Variants in DIPK1C observed in about 807,000 individuals in gnomAD.
DIPK1C encodes divergent protein kinase domain 1C, also known as familial non-conventional Alzheimer's dementia.
A neutral mutation model predicts 28.0 loss-of-function variants in DIPK1C; 33 were observed. The observed-to-expected ratio is 1.18, with a 90% CI of 0.89 to 1.58. The LOEUF is 1.58. DIPK1C is among the 40% of genes most tolerant of loss of function. The probability of loss-of-function intolerance (pLI) is 0.00; values close to 1 mark genes in which losing one functional copy is unlikely to be tolerated. For missense variants in DIPK1C, 569 were observed against 568.5 expected (o/e 1.00, Z -0.01); for synonymous variants, 255 against 248.8 (o/e 1.02, Z -0.23).
At chr18:74,463,655 C>T in the DIPK1C span, among the ~76,000 whole-genome samples, 634 of 152,208 alleles carry the variant, frequency 4.2e-3, 3 homozygotes, top group Non-Finnish European at 6.3e-3. Flanking sequence ...TCTACTCAGG[C>T]GAAAGCACAA....
upstream of DIPK1C, among the ~76,000 whole-genome samples, chr18:74,460,981 T>C (rs993742611): frequency 6.6e-6 from 1 of 152,198 alleles, no homozygotes; most frequent in Admixed American, 6.5e-5. Flanking sequence ...CCCTGCCCCA[T>C]GGGGCTTTGC....
upstream of DIPK1C, among the ~76,000 whole-genome samples, chr18:74,461,212 C>T (rs1174531007): frequency 6.6e-6 from 1 of 152,184 alleles, no homozygotes; most frequent in Non-Finnish European, 1.5e-5. Context: ...AGTCTCTCAA[C>T]CATCTGCCCA....
rs1985960587 is a variant in DIPK1C at position 74,435,177 on chromosome 18, C to CAAACT, written c.*1323_*1324insAGTTT. 3 of 152,200 alleles carry CAAACT rather than the reference C, an allele frequency of 2.0e-5. No homozygotes were observed. The highest frequency in any genetic ancestry group is 7.2e-5 in the African/African-American group (3 of 41,434). 9.4% of individuals were successfully genotyped at this position (152,200 alleles called of 1,614,324 possible). On this transcript the variant is annotated 3_prime_UTR_variant, in exon 4 of 4. Transcript: ENST00000343998. ...ATGTGTCAGTTTGTGACTTTCACAA[C>CAAACT]GTCCGATTAATTTGTCTTCTTTAAT...
intron 3 of DIPK1C, among the ~76,000 whole-genome samples, chr18:74,438,984 G>T (rs1333609609): frequency 1.3e-5 from 2 of 152,196 alleles, no homozygotes; most frequent in African/African-American, 4.8e-5. Flanking sequence ...CAGGGAATAA[G>T]GCCCCTTCCA....
At chr18:74,459,571 T>G (rs992374797), upstream of DIPK1C, among the ~76,000 whole-genome samples, 3 of 152,202 alleles carry the variant, frequency 2.0e-5, no homozygotes, top group African/African-American at 7.2e-5. Flanking sequence ...TGAACTGTTT[T>G]GCACTGATTT....
chr18:74,446,863 G>T lies in DIPK1C; in HGVS notation c.619C>A (p.Pro207Thr), dbSNP rs556607927. ...VYFSLLQDLSPHVLPVLGSCG... is the reference protein window; with the variant it reads ...VYFSLLQDLSTHVLPVLGSCG... ...GAACCCAGCACGGGCAGCACGTGTG[G>T]GCTCAGGTCCTGCAGCAGGCTGAAG... The change falls in exon 2 of 4, where the codon CCA (proline) becomes ACA (threonine). Residue 207 changes from proline to threonine, a missense_variant. Pro to Thr is a conservative substitution (Grantham distance 38). Transcript: ENST00000343998. 378 of 1,517,484 alleles carry T rather than the reference G, an allele frequency of 2.5e-4. 3 individuals carry two copies. In the South Asian group the frequency reaches 4.3e-3, roughly 17 times the overall value. The allele number at this position is 1,517,484 out of a possible 1,614,324, so 94.0% of individuals were successfully genotyped here.
At chr18:74,461,064 C>A (rs1224325072), upstream of DIPK1C, among the ~76,000 whole-genome samples, 1 of 152,210 alleles carries the variant, frequency 6.6e-6, no homozygotes, top group Non-Finnish European at 1.5e-5. Flanking sequence ...TCTTGCACTC[C>A]AAATGTCCAT....
Position 74,442,035 on chromosome 18 carries a change from C to T in DIPK1C, c.958G>A (p.Asp320Asn), listed in dbSNP as rs1986139169. ...GAAAAACAGTCAAAGAAATTGCAGTCTTCATCTCCTGTGCAGTTTTGCTCA... is the reference window on the plus strand; with the variant it reads ...GAAAAACAGTCAAAGAAATTGCAGTTTTCATCTCCTGTGCAGTTTTGCTCA... ...ILEQNCTGDE[D>N]CNFFDCFSRC... is the part of the protein sequence containing the mutation. The change falls in exon 3 of 4, where the codon GAC (aspartate) becomes AAC (asparagine). Residue 320 changes from aspartate (D) to asparagine (N), a missense_variant. Coordinates refer to ENST00000343998, the MANE Select transcript of DIPK1C (RefSeq NM_001044369.3). The T allele has an allele frequency of 3.1e-6, 5 of 1,614,024 alleles. No homozygotes were observed. In the South Asian group the frequency reaches 4.4e-5, roughly 14 times the overall value.
rs1156711835 is a variant in DIPK1C, at chr18:74,435,237, A to G, written c.*1264T>C. ...GCCAACATGACTTCCTGATTCTCTC[A>G]TCTTTCTCGATTTCCCTTTTCATGG... On this transcript the variant is annotated 3_prime_UTR_variant, in exon 4 of 4. Transcript: ENST00000343998. The G allele has an allele frequency of 1.3e-5, 2 of 152,236 alleles. No individual in the cohort carries two copies. The highest frequency in any genetic ancestry group is 2.4e-5 in the African/African-American group (1 of 41,450). The allele number at this position is 152,236 out of a possible 1,614,324, so 9.4% of individuals were successfully genotyped here.
chr18:74,450,864 T>C (rs575404670), intron 1 of DIPK1C, among the ~76,000 whole-genome samples: 50 of 152,382 alleles, frequency 3.3e-4, no homozygotes, highest in African/African-American at 1.1e-3. Flanking sequence ...GAGGCTAAGC[T>C]TGGCACAGAT....
chr18:74,448,730 T>C (rs1986330821), intron 1 of DIPK1C, among the ~76,000 whole-genome samples: 1 of 152,120 alleles, frequency 6.6e-6, no homozygotes, highest in African/African-American at 2.4e-5. Flanking sequence ...GGTGGCTAGG[T>C]AGATCAGCTT....
At chr18:74,448,140 G>A (rs771467996) in intron 1 of DIPK1C, among the ~76,000 whole-genome samples, 13 of 152,176 alleles carry the variant, frequency 8.5e-5, no homozygotes, top group Non-Finnish European at 1.8e-4. Flanking sequence ...CCAGAGGCAG[G>A]GAAGGAAGAA....
rs975442980 is a variant in DIPK1C at position 74,453,127 on chromosome 18, T to A, written c.198+3935A>T. ...CAGCCCCAGCTTTGGTAAGCAGCAC[T>A]CTTTGCAATCATTGCTTAGTATGTC... On this transcript the variant is annotated intron_variant, in intron 1 of 3. Coordinates refer to ENST00000343998, the MANE Select transcript of DIPK1C (RefSeq NM_001044369.3). Among the ~76,000 whole-genome samples, 3 of 152,214 alleles carry A rather than the reference T, an allele frequency of 2.0e-5. No homozygotes were observed. The South Asian group carries it at 6.2e-4, about 32-fold the overall frequency.
Position 74,446,832 on chromosome 18 carries a change from C to G in DIPK1C, c.650G>C (p.Gly217Ala). Reference sequence around the variant, plus strand: ...CAGGAACTCCACCGCGTAGAAGTGGCCGCAGGAACCCAGCACGGGCAGCAC... The same window carrying G: ...CAGGAACTCCACCGCGTAGAAGTGGGCGCAGGAACCCAGCACGGGCAGCAC... ...PHVLPVLGSC[G>A]HFYAVEFLAA... Residue 217 changes from glycine to alanine, a missense_variant, in exon 2 of 4, where the codon GGC (glycine) becomes GCC (alanine). Physicochemically the swap from Gly to Ala is moderately conservative, Grantham distance 60. Coordinates refer to ENST00000343998, the MANE Select transcript of DIPK1C (RefSeq NM_001044369.3). 1.3e-6 allele frequency: 2 copies of G among 1,500,508 alleles called. No homozygotes were observed. The highest frequency in any genetic ancestry group is 1.8e-6 in the Non-Finnish European group (2 of 1,119,786). The allele number at this position is 1,500,508 out of a possible 1,614,324, so 92.9% of individuals were successfully genotyped here.
chr18:74,448,120 G>A (rs1359400978), intron 1 of DIPK1C, among the ~76,000 whole-genome samples: 8 of 152,164 alleles, frequency 5.3e-5, no homozygotes, highest in African/African-American at 1.2e-4. Flanking sequence ...CGTCCAGCCC[G>A]ATAATCCTGC....
At chr18:74,443,891 T>G (rs1011818703) in intron 2 of DIPK1C, among the ~76,000 whole-genome samples, 1 of 152,192 alleles carries the variant, frequency 6.6e-6, no homozygotes, top group Non-Finnish European at 1.5e-5. Flanking sequence ...ACTCAGAATT[T>G]TAGCTTCTTG....
At chr18:74,444,313 A>C (rs958155000) in intron 2 of DIPK1C, among the ~76,000 whole-genome samples, 4 of 152,220 alleles carry the variant, frequency 2.6e-5, no homozygotes, top group Non-Finnish European at 5.9e-5. Flanking sequence ...GCCACTGGAC[A>C]CTTTCTCAAG....
chr18:74,437,610 T>C (rs1391739466), intron 3 of DIPK1C, among the ~76,000 whole-genome samples: 2 of 152,204 alleles, frequency 1.3e-5, no homozygotes, highest in African/African-American at 4.8e-5. Flanking sequence ...AACCTTCAAC[T>C]TCCATTTCAC....
rs565862262 is a variant in DIPK1C, at chr18:74,447,304, G to A, written c.199-21C>T. ...TGGCACTGGAAGGAAGGGAACAGTC[G>A]GTCACCATGGGGAGGGCCTGGTGCC... On this transcript the variant is annotated intron_variant, in intron 1 of 3. Transcript: ENST00000343998. This position sits in a 1 kb window ranked among gnomAD's most constrained non-coding sequence, Gnocchi z 4.1. The A allele has an allele frequency of 1.7e-3, 2,548 of 1,503,500 alleles. 2 individuals carry two copies. The highest frequency in any genetic ancestry group is 1.9e-3 in the Non-Finnish European group (2,139 of 1,123,164). The allele number at this position is 1,503,500 out of a possible 1,614,324, so 93.1% of individuals were successfully genotyped here.
Sources: allele counts gnomAD v4.1 joint callset (sites outside exome capture counted in the v4.1 genomes callset), GRCh38; gene constraint gnomAD v4.1.1; non-coding constraint Gnocchi (gnomAD v3.1); transcripts MANE v1.5; gene names NCBI Gene and HGNC (gene_info 2026-07-23, HGNC 2026-07-21).